AKIRIN2: variants seen among roughly 807,000 people sequenced by gnomAD.
AKIRIN2 encodes the protein akirin 2.
Under a neutral mutation model 29.3 loss-of-function variants are expected in AKIRIN2, and 6 were observed. The ratio of observed to expected loss-of-function variants is 0.20; its 90% CI spans 0.11 to 0.40. The LOEUF (loss-of-function observed/expected upper bound fraction) is 0.40, where lower values mean the gene tolerates loss of function less well. Ranked by LOEUF, AKIRIN2 falls within the 10% of genes least tolerant of loss-of-function variation. The pLI is 1.00. For synonymous variants in AKIRIN2, 128 were observed against 117.5 expected (o/e 1.09, Z -0.58); for missense variants, 210 against 276.1 (o/e 0.76, Z 1.70).
intron 1 of AKIRIN2, among the ~76,000 whole-genome samples, chr6:87,700,041 T>C (rs1771431690): frequency 6.6e-6 from 1 of 152,162 alleles, no homozygotes; most frequent in South Asian, 2.1e-4. Context: ...TTCCTTTTTT[T>C]TTTCCCAAAG....
chr6:87,696,825 G>A (rs997665349), intron 1 of AKIRIN2, among the ~76,000 whole-genome samples: 21 of 151,984 alleles, frequency 1.4e-4, no homozygotes, highest in Admixed American at 1.2e-3. Flanking sequence ...GACCAACATG[G>A]TGAAACCCCA....
intron 1 of AKIRIN2, among the ~76,000 whole-genome samples, chr6:87,693,095 G>A (rs762621731): frequency 1.1e-4 from 16 of 151,978 alleles, no homozygotes; most frequent in Non-Finnish European, 1.5e-4. Flanking sequence ...CGGGTATGAT[G>A]GTGGGCACCT....
At chr6:87,685,194 A>G (rs1771169058) in intron 1 of AKIRIN2, among the ~76,000 whole-genome samples, 1 of 152,218 alleles carries the variant, frequency 6.6e-6, no homozygotes. Context: ...GAAGGGTCCA[A>G]TTTAACTTGG....
intron 1 of AKIRIN2, among the ~76,000 whole-genome samples, chr6:87,686,083 C>T (rs1479081742): frequency 2.6e-5 from 4 of 151,906 alleles, no homozygotes; most frequent in Admixed American, 6.6e-5. Flanking sequence ...GGTGTGGTGG[C>T]GGGCCCCTGT....
rs1256335039 is a variant in AKIRIN2, at chr6:87,701,584, G to T, written c.101C>A (p.Thr34Asn). The T allele has an allele frequency of 4.2e-6, 6 of 1,425,890 alleles. No individual in the cohort carries two copies. In the Admixed American group the frequency reaches 1.9e-4, roughly 46 times the overall value. The allele number at this position is 1,425,890 out of a possible 1,614,324, so 88.3% of individuals were successfully genotyped here. ...CGACAACGGGGAGGCAGCGGCCGAG[G>T]TGGGCGCCGACAATGGCGCACATCG... ...RRRCAPLSAP[T>N]SAAASPLSAA... is the part of the protein sequence containing the mutation. The change falls in exon 1 of 5, where the codon ACC (threonine) becomes AAC (asparagine). Residue 34 changes from threonine (T) to asparagine (N), a missense_variant. Thr to Asn is a moderately conservative substitution (Grantham distance 65). Coordinates refer to ENST00000257787, the MANE Select transcript of AKIRIN2 (RefSeq NM_018064.4).
At position 87,675,512 on chromosome 6, in the gene AKIRIN2, A is replaced by G. The variant is rs899798589; in HGVS notation, c.*85T>C. On this transcript the variant is annotated 3_prime_UTR_variant, in exon 5 of 5. Coordinates refer to ENST00000257787, the MANE Select transcript of AKIRIN2 (RefSeq NM_018064.4). ...AATAACCTGTATTCACAGAAGGGGT[A>G]TTGGCATTGCTGCATGTCATAATTG... is the stretch of plus-strand genomic sequence containing the variant. 6 of 1,541,806 alleles carry G rather than the reference A, an allele frequency of 3.9e-6. No homozygotes were observed. The African/African-American group carries it at 6.8e-5, about 18-fold the overall frequency.
chr6:87,676,111 G>A (rs1323273601), intron 3 of AKIRIN2, among the ~76,000 whole-genome samples, 180 bp from the exon 4 acceptor site: 1 of 152,070 alleles, frequency 6.6e-6, no homozygotes, highest in Non-Finnish European at 1.5e-5. Context: ...AGGAAACCTA[G>A]GTTTTAGTCC....
chr6:87,682,372 G>A (rs1026060006), intron 1 of AKIRIN2, among the ~76,000 whole-genome samples: 1 of 152,142 alleles, frequency 6.6e-6, no homozygotes, highest in Admixed American at 6.5e-5. Flanking sequence ...GGTAGGGTGA[G>A]GGGGAGACCA....
At chr6:87,695,887 G>A (rs1771351988) in intron 1 of AKIRIN2, among the ~76,000 whole-genome samples, 2 of 152,000 alleles carry the variant, frequency 1.3e-5, no homozygotes, top group Admixed American at 1.3e-4. Context: ...ACACTTAGCA[G>A]AAAAAACCTG....
intron 1 of AKIRIN2, 49 bp downstream of exon 1, chr6:87,701,399 CCT>C (rs1332091042): frequency 4.6e-6 from 7 of 1,523,824 alleles, no homozygotes; most frequent in Non-Finnish European, 6.2e-6. Flanking sequence ...CCCCAGGACC[CCT>C]GTTCCCAGTT....
intron 3 of AKIRIN2, among the ~76,000 whole-genome samples, chr6:87,676,605 A>ACGCGCG (rs1238003127): frequency 2.7e-5 from 2 of 73,876 alleles, no homozygotes; most frequent in African/African-American, 8.2e-5. Context: ...AAACACACAC[A>ACGCGCG]CACACACACA....
chr6:87,701,567 G>T lies in AKIRIN2; in HGVS notation c.118C>A (p.Pro40Thr). 7.1e-7 allele frequency: 1 copy of T among 1,414,458 alleles called. No homozygotes were observed. The highest frequency in any genetic ancestry group is 1.5e-5 in the South Asian group (1 of 65,210). 87.6% of individuals were successfully genotyped at this position (1,414,458 alleles called of 1,614,324 possible). A position where few individuals can be genotyped will look rare whatever the true frequency, so the allele number is the denominator to read the frequency against. Residue 40 changes from proline (P) to threonine (T), a missense_variant, in exon 1 of 5, where the codon CCG becomes ACG. Pro to Thr is a conservative substitution (Grantham distance 38). Around this residue, in one of 2 missense-constraint regions of AKIRIN2, gnomAD observed 199 missense variants for 236.5 expected, o/e 0.84. Transcript: ENST00000257787. ...GCGGTGGCCGCGGCCGCCGACAACG[G>T]GGAGGCAGCGGCCGAGGTGGGCGCC... ...LSAPTSAAAS[P>T]LSAAAATAAS...
At chr6:87,691,440 TAAAAAAA>T (rs34981397) in intron 1 of AKIRIN2, among the ~76,000 whole-genome samples, 1 of 84,830 alleles carries the variant, frequency 1.2e-5, no homozygotes, top group Non-Finnish European at 2.3e-5. Context: ...AACCTCATCT[TAAAAAAA>T]AAAAAAAAAA....
intron 3 of AKIRIN2, 91 bp from the exon 4 acceptor site, chr6:87,676,022 C>T: frequency 9.3e-7 from 1 of 1,073,868 alleles, no homozygotes; most frequent in Non-Finnish European, 1.4e-6. Context: ...TAAAACAATT[C>T]TAAGTTGACA....
At chr6:87,681,516 A>G in intron 2 of AKIRIN2, 104 bp downstream of exon 2, 1 of 1,156,066 alleles carries the variant, frequency 8.7e-7, no homozygotes, top group Non-Finnish European at 1.2e-6. Context: ...ATGTTTTTTT[A>G]AAACTCAGAG....
rs1261210033 is a variant in AKIRIN2 at position 87,682,337 on chromosome 6, A to C, written c.236-574T>G. Among the ~76,000 whole-genome samples, 5 of 152,342 alleles carry C rather than the reference A, an allele frequency of 3.3e-5. No homozygotes were observed. In the East Asian group the frequency reaches 9.6e-4, roughly 29 times the overall value. On this transcript the variant is annotated intron_variant, in intron 1 of 4. Coordinates refer to ENST00000257787, the MANE Select transcript of AKIRIN2 (RefSeq NM_018064.4). ...GCTCAATAAAACCTAAGAATACTAC[A>C]GCATTCTGAATCTTGGGGCTGGAGG...
At chr6:87,692,727 G>A (rs1402232596) in intron 1 of AKIRIN2, among the ~76,000 whole-genome samples, 3 of 152,262 alleles carry the variant, frequency 2.0e-5, no homozygotes, top group African/African-American at 4.8e-5. Context: ...CAGGAGAATC[G>A]CTTGAACCCA....
Position 87,701,666 on chromosome 6 carries a change from G to T in AKIRIN2, c.19C>A (p.Leu7Met). The change falls in exon 1 of 5, where the codon CTG becomes ATG. Residue 7 changes from leucine (L) to methionine (M), a missense_variant. Leu to Met is a conservative substitution (Grantham distance 15). Transcript: ENST00000257787. ...GGGTCGAAATCCAGAGTCCTTTTCAGAGTGGCTCCGCACGCCATGGCCGGG... is the reference window on the plus strand; with the variant it reads ...GGGTCGAAATCCAGAGTCCTTTTCATAGTGGCTCCGCACGCCATGGCCGGG... MACGAT[L>M]KRTLDFDPLL... The T allele has an allele frequency of 6.8e-7, 1 of 1,461,836 alleles. No individual in the cohort carries two copies. The allele number at this position is 1,461,836 out of a possible 1,614,324, so 90.6% of individuals were successfully genotyped here.
At chr6:87,685,475 C>A (rs1204734349) in intron 1 of AKIRIN2, among the ~76,000 whole-genome samples, 1 of 152,184 alleles carries the variant, frequency 6.6e-6, no homozygotes, top group Non-Finnish European at 1.5e-5. Context: ...TCTTATCATA[C>A]CAGCAAGTTA....
Sources: gnomAD v4.1 joint callset for allele counts (sites outside exome capture counted in the v4.1 genomes callset) on GRCh38, gnomAD v4.1.1 for gene constraint, gnomAD v4.1.1 regional missense constraint, MANE v1.5 for transcripts, NCBI Gene and HGNC (gene_info 2026-07-23, HGNC 2026-07-21) for gene names.